Variants in FGF7 observed in about 807,000 individuals in gnomAD.
FGF7 encodes the protein FGF-7.
FGF7 carries 6 observed loss-of-function variants against 20.5 expected under a neutral mutation model. The ratio of observed to expected loss-of-function variants is 0.29; its 90% CI spans 0.16 to 0.58. The LOEUF (loss-of-function observed/expected upper bound fraction) is 0.58. Among genes scored for constraint, FGF7 ranks in the 20% least tolerant of loss-of-function variants. The pLI is 0.90. For missense variants in FGF7, 144 were observed against 228.8 expected, an observed-to-expected ratio of 0.63 and a Z score of 2.39; for synonymous variants, 64 against 74.7, an observed-to-expected ratio of 0.86 and a Z score of 0.74.
At chr15:49,444,227 G>A (rs1233914258) in intron 2 of FGF7, among the ~76,000 whole-genome samples, 1 of 151,674 alleles carries the variant, frequency 6.6e-6, no homozygotes. Context: ...ATTTATGATT[G>A]CTCTCAAGAC....
At chr15:49,454,641 G>A (rs1454417708) in intron 2 of FGF7, among the ~76,000 whole-genome samples, 2 of 151,918 alleles carry the variant, frequency 1.3e-5, no homozygotes, top group Admixed American at 6.6e-5. Flanking sequence ...ACGAAGTCTC[G>A]CTCTGTCACA....
intron 2 of FGF7, among the ~76,000 whole-genome samples, chr15:49,445,046 T>C (rs2052056814): frequency 6.6e-6 from 1 of 151,674 alleles, no homozygotes; most frequent in Non-Finnish European, 1.5e-5. Context: ...CTAATTATTA[T>C]ATAGATTTCA....
At chr15:49,471,449 C>T (rs1369328038) in intron 2 of FGF7, among the ~76,000 whole-genome samples, 2 of 150,400 alleles carry the variant, frequency 1.3e-5, no homozygotes, top group Non-Finnish European at 3.0e-5. Context: ...CGCCACTGCA[C>T]TATAGCCTGA....
At chr15:49,426,466 G>A (rs1361725097) in intron 2 of FGF7, among the ~76,000 whole-genome samples, 1 of 151,852 alleles carries the variant, frequency 6.6e-6, no homozygotes, top group Non-Finnish European at 1.5e-5. Flanking sequence ...CAAAAAAGTA[G>A]ATGTAAAATC....
chr15:49,458,058 T>C, intron 2 of FGF7, among the ~76,000 whole-genome samples: 1 of 151,886 alleles, frequency 6.6e-6, no homozygotes, highest in East Asian at 1.9e-4. Context: ...TCAAATGACA[T>C]AAAACATGTA....
intron 2 of FGF7, among the ~76,000 whole-genome samples, chr15:49,464,039 A>AT (rs1221592238): frequency 4.0e-5 from 6 of 151,434 alleles, no homozygotes; most frequent in South Asian, 2.1e-4. Flanking sequence ...ATAAGTTGTG[A>AT]TTTTTTTTTC....
chr15:49,435,262 T>C (rs1349573360), intron 2 of FGF7, among the ~76,000 whole-genome samples: 1 of 151,592 alleles, frequency 6.6e-6, no homozygotes, highest in Non-Finnish European at 1.5e-5. Flanking sequence ...TTTATGGAGT[T>C]TTTTCCCTAA....
chr15:49,480,261 A>G (rs1360475709), intron 2 of FGF7, among the ~76,000 whole-genome samples: 3 of 152,108 alleles, frequency 2.0e-5, no homozygotes, highest in Non-Finnish European at 2.9e-5. Flanking sequence ...CTTAACCCTA[A>G]TATGTGGAGG....
intron 2 of FGF7, among the ~76,000 whole-genome samples, chr15:49,425,915 T>C (rs1174282870): frequency 2.6e-5 from 4 of 151,598 alleles, no homozygotes; most frequent in South Asian, 4.1e-4. Context: ...TTGGAGAAAA[T>C]TTTTTTGATA....
intron 2 of FGF7, among the ~76,000 whole-genome samples, chr15:49,439,647 G>A (rs1437406069): frequency 6.6e-6 from 1 of 151,774 alleles, no homozygotes; most frequent in East Asian, 1.9e-4. Context: ...ACAAGCCTGA[G>A]AAGTAGATAG....
Position 49,433,292 on chromosome 15 carries a change from C to A in FGF7, c.286+8709C>A, listed in dbSNP as rs575748234. Among the ~76,000 whole-genome samples the A allele has an allele frequency of 2.0e-5, 3 of 151,678 alleles. No individual in the cohort carries two copies. In the East Asian group the frequency reaches 5.9e-4, roughly 30 times the overall value. On this transcript the variant is annotated intron_variant, in intron 2 of 3. Coordinates refer to ENST00000267843, the MANE Select transcript of FGF7 (RefSeq NM_002009.4). Reference sequence around the variant, plus strand: ...TTTCTGTTTGCATTTGGCACTGTCACTAGAATGTCAGTTCTGAGAAAATAA... The same window carrying A: ...TTTCTGTTTGCATTTGGCACTGTCAATAGAATGTCAGTTCTGAGAAAATAA...
chr15:49,455,694 AT>A, intron 2 of FGF7, among the ~76,000 whole-genome samples: 1 of 152,306 alleles, frequency 6.6e-6, no homozygotes, highest in South Asian at 2.1e-4. Context: ...TAAATAAGTG[AT>A]TTTGGTGTTT....
intron 2 of FGF7, among the ~76,000 whole-genome samples, chr15:49,471,484 AAATAATAATAAT>A (rs201297260): frequency 0.15 from 20,118 of 137,750 alleles, 1,769 homozygotes; most frequent in Non-Finnish European, 0.19. Flanking sequence ...CTCTATCTCA[AAATAATAATAAT>A]AATAATAATA....
chr15:49,455,962 T>C (rs1173014073), intron 2 of FGF7, among the ~76,000 whole-genome samples: 1 of 152,072 alleles, frequency 6.6e-6, no homozygotes, highest in Non-Finnish European at 1.5e-5. Context: ...TTTAGGGGAG[T>C]ATCAGAAACA....
chr15:49,462,451 C>A (rs2053887851), intron 2 of FGF7, among the ~76,000 whole-genome samples: 1 of 152,146 alleles, frequency 6.6e-6, no homozygotes, highest in Non-Finnish European at 1.5e-5. Flanking sequence ...ATTTTTAGTC[C>A]AGTCTCATAA....
At chr15:49,443,173 A>G (rs2051833958) in intron 2 of FGF7, among the ~76,000 whole-genome samples, 1 of 151,726 alleles carries the variant, frequency 6.6e-6, no homozygotes, top group African/African-American at 2.4e-5. Context: ...TTGTTAACTT[A>G]TTAAATACAG....
At chr15:49,425,405 C>T (rs2050038278) in intron 2 of FGF7, 1 of 152,014 alleles carries the variant, frequency 6.6e-6, no homozygotes, top group South Asian at 2.1e-4. Context: ...GAATAACCAA[C>T]TTCAATAGTA....
chr15:49,435,007 T>C (rs528911209), intron 2 of FGF7, among the ~76,000 whole-genome samples: 4 of 151,736 alleles, frequency 2.6e-5, no homozygotes, highest in African/African-American at 9.6e-5. Context: ...GTATGTTGTG[T>C]GTATTTTACA....
chr15:49,426,386 C>T (rs891888816), intron 2 of FGF7, among the ~76,000 whole-genome samples: 8 of 151,830 alleles, frequency 5.3e-5, no homozygotes, highest in African/African-American at 1.9e-4. Flanking sequence ...AATAAGGTTA[C>T]CAAACCTTAA....
Sources: allele counts gnomAD v4.1 joint callset (sites outside exome capture counted in the v4.1 genomes callset), GRCh38; gene constraint gnomAD v4.1.1; transcripts MANE v1.5; gene names NCBI Gene and HGNC (gene_info 2026-07-23, HGNC 2026-07-21).